The following FA2H variants were observed in gnomAD, a reference collection of about 807,000 sequenced individuals.
FA2H encodes fatty acid 2-hydroxylase.
A neutral mutation model predicts 44.9 loss-of-function variants in FA2H; 22 were observed. The observed-to-expected ratio is 0.49, with a 90% CI of 0.35 to 0.70. The LOEUF is 0.70. Ranked by LOEUF, FA2H falls within the 30% of genes least tolerant of loss-of-function variation. FA2H has a pLI of 0.01. For missense variants in FA2H, 501 were observed against 504.9 expected (o/e 0.99, Z 0.07); for synonymous variants, 243 against 213.2 (o/e 1.14, Z -1.22).
intron 1 of FA2H, among the ~76,000 whole-genome samples, chr16:74,773,921 G>A (rs1467888119): frequency 6.6e-6 from 1 of 152,202 alleles, no homozygotes; most frequent in Non-Finnish European, 1.5e-5. Flanking sequence ...GAAGGTCTGA[G>A]AGGTTGGAGG....
At chr16:74,722,290 C>T (rs1396565600) in intron 4 of FA2H, among the ~76,000 whole-genome samples, 2 of 152,138 alleles carry the variant, frequency 1.3e-5, no homozygotes, top group Non-Finnish European at 2.9e-5. Context: ...AATCCCAGCA[C>T]TTTGAGAGGC....
chr16:74,740,618 CAAAATA>C (rs1962274437), intron 1 of FA2H, among the ~76,000 whole-genome samples: 1 of 82,546 alleles, frequency 1.2e-5, no homozygotes, highest in Non-Finnish European at 2.4e-5. Flanking sequence ...GACTCCATCT[CAAAATA>C]ATAATAATAA....
chr16:74,753,267 T>TC (rs1215761579), intron 1 of FA2H, among the ~76,000 whole-genome samples: 6 of 152,200 alleles, frequency 3.9e-5, no homozygotes, highest in African/African-American at 1.4e-4. Flanking sequence ...AGGCTCCAGA[T>TC]CCTAGACTCC....
In FA2H at chr16:74,743,603, C is replaced by T. The variant is rs1311791565; in HGVS notation, c.271-3488G>A. The stretch of plus-strand genomic sequence containing the variant: ...AGTCAAGGGCTGGAAGAGGGGGCAC[C>T]CTCTCTATGGAGGCTGAGGAAAAGA... On this transcript the variant is annotated intron_variant, in intron 1 of 6. Coordinates refer to ENST00000219368, the MANE Select transcript of FA2H (RefSeq NM_024306.5). 2.0e-5 allele frequency among the ~76,000 whole-genome samples: 3 copies of T among 152,168 alleles called. No individual in the cohort carries two copies. In the East Asian group the frequency reaches 5.8e-4, roughly 29 times the overall value.
chr16:74,774,430 G>T, intron 1 of FA2H, 56 bp downstream of exon 1: 3 of 1,453,100 alleles, frequency 2.1e-6, no homozygotes, highest in South Asian at 2.9e-5. Context: ...GCTCGCCCGG[G>T]AGTGGAAGGC....
At chr16:74,715,033 T>A (rs1961663860) in intron 6 of FA2H, among the ~76,000 whole-genome samples, 1 of 152,020 alleles carries the variant, frequency 6.6e-6, no homozygotes. Context: ...AGAGGGGGTT[T>A]CAACATGTTG....
chr16:74,715,734 A>C (rs1961677455), intron 6 of FA2H, among the ~76,000 whole-genome samples: 3 of 152,174 alleles, frequency 2.0e-5, no homozygotes, highest in South Asian at 4.1e-4. Context: ...TGTGGCCCAC[A>C]TAATATGTCA....
At position 74,719,141 on chromosome 16, in the gene FA2H, G is replaced by C; in HGVS notation, c.633C>G (p.Pro211=). 1 of 1,613,510 alleles carries C rather than the reference G, an allele frequency of 6.2e-7. No homozygotes were observed. Among genetic ancestry groups the C allele is most frequent in the Non-Finnish European group, 8.5e-7 (1 of 1,180,012 alleles). The stretch of plus-strand genomic sequence containing the variant: ...TGAAGAGCCCGGGGAACATGGACTT[G>C]GGCACTGCCACCGTGTACTCTGCAG... ...SFTTEYTVAV[P]KSMFPGLFML... Residue 211 remains proline (P), a synonymous_variant, in exon 5 of 7, where the codon CCC becomes CCG. Transcript: ENST00000219368.
At chr16:74,726,115 T>C in intron 4 of FA2H, 110 bp downstream of exon 4, 1 of 758,746 alleles carries the variant, frequency 1.3e-6, no homozygotes, top group Non-Finnish European at 2.4e-6. Flanking sequence ...CAAAAATGTC[T>C]GTGATGTAGT....
chr16:74,735,168 C>T (rs569828691), intron 2 of FA2H, among the ~76,000 whole-genome samples: 1 of 152,360 alleles, frequency 6.6e-6, no homozygotes, highest in East Asian at 1.9e-4. Context: ...GCCCCACTCA[C>T]AGCCCAGGCT....
chr16:74,726,281 G>T lies in FA2H; in HGVS notation c.557C>A (p.Ser186Tyr), dbSNP rs991788158. Reference protein sequence around the residue: ...WVPLVLYLSWSYYRTFAQGNV... With the variant: ...WVPLVLYLSWYYYRTFAQGNV... Reference sequence around the variant, plus strand: ...GCCCTGGGCAAAGGTTCGGTAGTAGGACCAGCTGAGATACAGCACCAGGGG... The same window carrying T: ...GCCCTGGGCAAAGGTTCGGTAGTAGTACCAGCTGAGATACAGCACCAGGGG... Residue 186 changes from serine to tyrosine, a missense_variant, in exon 4 of 7, where the codon TCC becomes TAC. Physicochemically the swap from Ser to Tyr is moderately radical, Grantham distance 144. Transcript: ENST00000219368. 6.2e-7 allele frequency: 1 copy of T among 1,614,110 alleles called. No individual in the cohort carries two copies. Among genetic ancestry groups the T allele is most frequent in the Admixed American group, 1.7e-5 (1 of 60,028 alleles).
chr16:74,760,724 A>G (rs1962692776), intron 1 of FA2H, among the ~76,000 whole-genome samples: 1 of 152,172 alleles, frequency 6.6e-6, no homozygotes, highest in African/African-American at 2.4e-5. Flanking sequence ...CAGAGGCCTG[A>G]CTTCAGCCCA....
At position 74,757,104 on chromosome 16, in the gene FA2H, T is replaced by C. The variant is rs560673476; in HGVS notation, c.271-16989A>G. Among the ~76,000 whole-genome samples, 4 of 150,166 alleles carry C rather than the reference T, an allele frequency of 2.7e-5. No individual in the cohort carries two copies. The South Asian group carries it at 8.4e-4, about 31-fold the overall frequency. ...AGTGGAAGAAAAATAGTAACACAGATGCCAAAAAACAGGCTAATACCCTTT... is the reference window on the plus strand; with the variant it reads ...AGTGGAAGAAAAATAGTAACACAGACGCCAAAAAACAGGCTAATACCCTTT... On this transcript the variant is annotated intron_variant, in intron 1 of 6. Transcript: ENST00000219368.
intron 1 of FA2H, among the ~76,000 whole-genome samples, chr16:74,755,158 T>TG (rs1250243179): frequency 1.4e-5 from 1 of 71,632 alleles, no homozygotes; most frequent in East Asian, 3.4e-4. Flanking sequence ...AATACATTTG[T>TG]GTTTTTTTTT....
At chr16:74,767,226 T>C (rs1000922730) in intron 1 of FA2H, among the ~76,000 whole-genome samples, 1 of 152,082 alleles carries the variant, frequency 6.6e-6, no homozygotes, top group Non-Finnish European at 1.5e-5. Flanking sequence ...GGAGAATTGC[T>C]TGAACCTGGG....
intron 2 of FA2H, among the ~76,000 whole-genome samples, chr16:74,728,780 CTTTTT>C (rs935652907): frequency 8.8e-6 from 1 of 113,964 alleles, no homozygotes; most frequent in African/African-American, 3.9e-5. Flanking sequence ...TTATCTCTTT[CTTTTT>C]TTTTTTTTTT....
chr16:74,720,037 C>T (rs1597541405), intron 4 of FA2H, among the ~76,000 whole-genome samples: 1 of 152,142 alleles, frequency 6.6e-6, no homozygotes, highest in East Asian at 1.9e-4. Flanking sequence ...AGGGCACCAT[C>T]TTCAAGCACA....
intron 1 of FA2H, among the ~76,000 whole-genome samples, chr16:74,760,599 C>T (rs113255408): frequency 0.025 from 3,544 of 144,508 alleles, 141 homozygotes; most frequent in African/African-American, 0.082. Flanking sequence ...CCTGCTCCCC[C>T]CAGGAAATCC....
At chr16:74,734,175 G>A (rs939444677) in intron 2 of FA2H, among the ~76,000 whole-genome samples, 8 of 152,362 alleles carry the variant, frequency 5.3e-5, no homozygotes, top group African/African-American at 1.9e-4. Flanking sequence ...TCGGGTGGGG[G>A]AGAAGGGGAG....
Sources: gnomAD v4.1 joint callset for allele counts (sites outside exome capture counted in the v4.1 genomes callset) on GRCh38, gnomAD v4.1.1 for gene constraint, MANE v1.5 for transcripts, NCBI Gene and HGNC (gene_info 2026-07-23, HGNC 2026-07-21) for gene names.